SRPK1: variants seen among roughly 807,000 people sequenced by gnomAD.
The protein encoded by SRPK1 is SFRS protein kinase 1.
A neutral mutation model predicts 89.5 loss-of-function variants in SRPK1; 52 were observed. That is an observed-to-expected ratio of 0.58 (90% CI 0.46 to 0.73). SRPK1 has a LOEUF of 0.73. Among genes scored for constraint, SRPK1 ranks in the 30% least tolerant of loss-of-function variants. SRPK1 has a pLI of 0.00. For missense variants in SRPK1, 603 were observed against 780.6 expected (o/e 0.77, Z 2.71); for synonymous variants, 255 against 270.2 (o/e 0.94, Z 0.55).
At chr6:35,858,937 A>C (rs1769720425) in intron 12 of SRPK1, among the ~76,000 whole-genome samples, 2 of 152,202 alleles carry the variant, frequency 1.3e-5, no homozygotes, top group African/African-American at 4.8e-5. Context: ...TAGAAAGAAC[A>C]CTCAATGTAT....
chr6:35,878,554 T>C (rs747331832), intron 6 of SRPK1, among the ~76,000 whole-genome samples: 8 of 152,206 alleles, frequency 5.3e-5, no homozygotes, highest in African/African-American at 1.4e-4. Flanking sequence ...CTTAGCACAG[T>C]GGCAACCACC....
At chr6:35,916,783 G>C (rs1451193590) in intron 2 of SRPK1, among the ~76,000 whole-genome samples, 1 of 152,200 alleles carries the variant, frequency 6.6e-6, no homozygotes, top group Non-Finnish European at 1.5e-5. Flanking sequence ...TATAGGTCAG[G>C]CACGGTAGCT....
At chr6:35,891,441 C>A (rs1313018962) in intron 2 of SRPK1, among the ~76,000 whole-genome samples, 1 of 152,120 alleles carries the variant, frequency 6.6e-6, no homozygotes, top group Non-Finnish European at 1.5e-5. Flanking sequence ...GGAGGCCAGG[C>A]ATGGATGGTG....
At chr6:35,911,300 T>C (rs1173280577) in intron 2 of SRPK1, among the ~76,000 whole-genome samples, 1 of 152,178 alleles carries the variant, frequency 6.6e-6, no homozygotes, top group Non-Finnish European at 1.5e-5. Context: ...AGGAAGTAAC[T>C]ACAGATGTGG....
At chr6:35,867,399 T>C (rs1769929288) in intron 12 of SRPK1, among the ~76,000 whole-genome samples, 1 of 152,198 alleles carries the variant, frequency 6.6e-6, no homozygotes, top group Admixed American at 6.5e-5. Flanking sequence ...TATTCTACAA[T>C]CAATATGGGA....
At chr6:35,873,735 C>T (rs1302472917) in intron 7 of SRPK1, among the ~76,000 whole-genome samples, 1 of 152,080 alleles carries the variant, frequency 6.6e-6, no homozygotes, top group Non-Finnish European at 1.5e-5. Flanking sequence ...GGTGATCTGC[C>T]CGCCTCGGCC....
chr6:35,904,596 T>G (rs1169680368), intron 2 of SRPK1, among the ~76,000 whole-genome samples: 1 of 151,074 alleles, frequency 6.6e-6, no homozygotes, highest in Non-Finnish European at 1.5e-5. Flanking sequence ...GTCAGGAGTT[T>G]AAGACCAGCC....
At chr6:35,842,257 T>C (rs1016430901) in intron 14 of SRPK1, among the ~76,000 whole-genome samples, 1 of 152,054 alleles carries the variant, frequency 6.6e-6, no homozygotes, top group African/African-American at 2.4e-5. Context: ...CACTGATATA[T>C]ACAGAAAGGA....
intron 2 of SRPK1, among the ~76,000 whole-genome samples, chr6:35,897,230 T>C (rs1469522936): frequency 2.0e-5 from 3 of 152,212 alleles, no homozygotes; most frequent in Non-Finnish European, 4.4e-5. Context: ...AATAAAGCTT[T>C]AGAAAACTAG....
intron 13 of SRPK1, among the ~76,000 whole-genome samples, chr6:35,855,058 T>A (rs962971770): frequency 6.6e-6 from 1 of 152,042 alleles, no homozygotes; most frequent in African/African-American, 2.4e-5. Context: ...TCCCAGCACT[T>A]TGGGAGGCAG....
chr6:35,850,095 GAAAA>G (rs562115509), intron 13 of SRPK1, among the ~76,000 whole-genome samples: 2 of 150,498 alleles, frequency 1.3e-5, no homozygotes, highest in African/African-American at 4.9e-5. Context: ...AGTTAAAAAA[GAAAA>G]AAAAGGGAAA....
intron 13 of SRPK1, among the ~76,000 whole-genome samples, chr6:35,854,165 A>T (rs760603484): frequency 4.6e-5 from 7 of 151,978 alleles, no homozygotes; most frequent in Non-Finnish European, 7.4e-5. Context: ...TGGCTAGGCT[A>T]GTCTCGAACT....
At chr6:35,870,138 C>T in intron 10 of SRPK1, 143 bp downstream of exon 10, 1 of 853,084 alleles carries the variant, frequency 1.2e-6, no homozygotes, top group Non-Finnish European at 1.7e-6. Flanking sequence ...ATATTACCTG[C>T]CTAACATTTA....
At chr6:35,880,916 G>C (rs771815622) in intron 6 of SRPK1, among the ~76,000 whole-genome samples, 1 of 151,464 alleles carries the variant, frequency 6.6e-6, no homozygotes, top group Admixed American at 6.6e-5. Context: ...TCAAACTTTT[G>C]AAAGATTAAG....
chr6:35,901,824 A>T (rs1770746588), intron 2 of SRPK1, among the ~76,000 whole-genome samples: 1 of 152,188 alleles, frequency 6.6e-6, no homozygotes. Flanking sequence ...ATAATCCTTT[A>T]CATATCTAAT....
chr6:35,915,971 C>CAA (rs35912769), intron 2 of SRPK1, among the ~76,000 whole-genome samples: 605 of 51,444 alleles, frequency 0.012, 66 homozygotes, highest in African/African-American at 0.029. Context: ...GACTCTGTCT[C>CAA]AAAAACAAAA....
chr6:35,876,992 C>A (rs1770169273), intron 6 of SRPK1, among the ~76,000 whole-genome samples: 2 of 152,238 alleles, frequency 1.3e-5, no homozygotes, highest in Admixed American at 6.5e-5. Flanking sequence ...TGGAGATTTG[C>A]AGAGGGGGCC....
At chr6:35,862,840 C>T (rs1769807149) in intron 12 of SRPK1, among the ~76,000 whole-genome samples, 1 of 152,062 alleles carries the variant, frequency 6.6e-6, no homozygotes, top group Admixed American at 6.6e-5. Context: ...ACAACAACAA[C>T]AACAACAAAC....
chr6:35,880,076 G>GA (rs34517286), intron 6 of SRPK1, among the ~76,000 whole-genome samples: 40,172 of 95,626 alleles, frequency 0.42, 6,463 homozygotes, highest in South Asian at 0.51. Flanking sequence ...CCTTGTCTCA[G>GA]AAAAAAAAAA....
Sources: allele counts gnomAD v4.1 joint callset (sites outside exome capture counted in the v4.1 genomes callset), GRCh38; gene constraint gnomAD v4.1.1; transcripts MANE v1.5; gene names NCBI Gene and HGNC (gene_info 2026-07-23, HGNC 2026-07-21).